The following BDP1 variants were observed in gnomAD, a reference collection of about 807,000 sequenced individuals.
BDP1 encodes the protein transcription factor TFIIIB component B'' homolog.
Under a neutral mutation model 266.6 loss-of-function variants are expected in BDP1, and 169 were observed. That is an observed-to-expected ratio of 0.63 (90% CI 0.56 to 0.72). The LOEUF (loss-of-function observed/expected upper bound fraction) is 0.72, where lower values mean the gene tolerates loss of function less well. Ranked by LOEUF, BDP1 falls within the 30% of genes least tolerant of loss-of-function variation. The probability of loss-of-function intolerance (pLI) is 0.00; values close to 1 mark genes in which losing one functional copy is unlikely to be tolerated. For missense variants in BDP1, 3,015 were observed against 3,053.8 expected (o/e 0.99, Z 0.30); for synonymous variants, 1,090 against 1,022.4 (o/e 1.07, Z -1.26).
At chr5:71,511,416 G>A in intron 17 of BDP1, 2 of 374,020 alleles carry the variant, frequency 5.3e-6, no homozygotes, top group Non-Finnish European at 9.4e-6. Flanking sequence ...CCAGGAGTTT[G>A]AGACCAGCCT....
chr5:71,467,109 T>C (rs1362236929), intron 5 of BDP1, among the ~76,000 whole-genome samples: 1 of 152,204 alleles, frequency 6.6e-6, no homozygotes, highest in East Asian at 1.9e-4. Context: ...CCCAAAGATG[T>C]TTTGTAAATA....
At chr5:71,479,030 T>TTTTTA (rs1238285786) in intron 7 of BDP1, among the ~76,000 whole-genome samples, 295 of 152,174 alleles carry the variant, frequency 1.9e-3, no homozygotes, top group African/African-American at 5.7e-3. Context: ...TTTCACCTGG[T>TTTTTA]TTTTATTTTA....
chr5:71,552,213 T>C (rs1561783560), intron 34 of BDP1, among the ~76,000 whole-genome samples: 1 of 148,226 alleles, frequency 6.7e-6, no homozygotes, highest in African/African-American at 2.5e-5. Flanking sequence ...GCTCCTCACA[T>C]CCCAGACGGG....
At chr5:71,523,718 T>A (rs1005036257) in intron 24 of BDP1, among the ~76,000 whole-genome samples, 1 of 152,242 alleles carries the variant, frequency 6.6e-6, no homozygotes, top group African/African-American at 2.4e-5. Context: ...ATTAAAAACT[T>A]ACTATGAAAA....
the BDP1 span, among the ~76,000 whole-genome samples, chr5:71,577,582 T>A: frequency 4.2e-5 from 2 of 47,788 alleles, no homozygotes; most frequent in African/African-American, 1.2e-4. Context: ...ATCCATGGGA[T>A]CTTGTGAAAG....
At chr5:71,459,829 T>A (rs555582487) in intron 2 of BDP1, among the ~76,000 whole-genome samples, 31 of 152,268 alleles carry the variant, frequency 2.0e-4, no homozygotes, top group African/African-American at 7.5e-4. Context: ...AAATTGAAAA[T>A]GCTCCAAAGT....
chr5:71,513,462 T>G (rs1354669949), intron 19 of BDP1, 55 bp downstream of exon 19: 1 of 1,044,072 alleles, frequency 9.6e-7, no homozygotes, highest in Admixed American at 2.4e-5. Context: ...TTTTTTAAGT[T>G]ATTAGGACTA....
At chr5:71,517,005 T>G (rs1284238831) in intron 21 of BDP1, among the ~76,000 whole-genome samples, 1 of 152,256 alleles carries the variant, frequency 6.6e-6, no homozygotes, top group Non-Finnish European at 1.5e-5. Flanking sequence ...AACTTTTCTC[T>G]GAACTAGGCA....
chr5:71,518,555 A>G (rs1561741774), intron 22 of BDP1, among the ~76,000 whole-genome samples: 1 of 152,082 alleles, frequency 6.6e-6, no homozygotes, highest in East Asian at 1.9e-4. Context: ...GGCTCAAGCA[A>G]TTCTCCCACC....
At chr5:71,559,700 C>CTCCCATTT (rs1418990251) in intron 36 of BDP1, among the ~76,000 whole-genome samples, 1 of 152,140 alleles carries the variant, frequency 6.6e-6, no homozygotes, top group Non-Finnish European at 1.5e-5. Context: ...AGTAATCACT[C>CTCCCATTT]TCCCATTTTG....
Position 71,467,487 on chromosome 5 carries a change from G to A in BDP1, c.919G>A (p.Glu307Lys), listed in dbSNP as rs1435896069. Residue 307 changes from glutamate (E) to lysine (K), a missense_variant and splice_region_variant, in exon 6 of 39, where the codon GAA becomes AAA. Physicochemically the swap from Glu to Lys is moderately conservative, Grantham distance 56 (BLOSUM62 1). Around this residue, in one of 3 missense-constraint regions of BDP1, gnomAD observed 2,383 missense variants for 2,404.9 expected, o/e 0.99. Transcript: ENST00000358731. ...NYYSKPWSNK[E>K]TDMFFLAISM... ...TTACTCTAAACCATGGTCAAATAAA[G>A]GTAACTAATTTTCATTTAAAAATGT... The A allele has an allele frequency of 6.3e-7, 1 of 1,586,370 alleles. No homozygotes were observed. Among genetic ancestry groups the A allele is most frequent in the Non-Finnish European group, 8.6e-7 (1 of 1,165,334 alleles).
At chr5:71,527,917 C>T (rs566810251) in intron 25 of BDP1, among the ~76,000 whole-genome samples, 2 of 151,242 alleles carry the variant, frequency 1.3e-5, no homozygotes, top group African/African-American at 4.9e-5. Flanking sequence ...CTCCCAGGTT[C>T]AAGCAATTCT....
rs756172358 is a variant in BDP1, at chr5:71,544,506, A to G, written c.6562A>G (p.Arg2188Gly). The change falls in exon 31 of 39, where the codon AGA becomes GGA. Residue 2188 changes from arginine (R) to glycine (G), a missense_variant and splice_region_variant. This residue lies in a region of BDP1 where 629 missense variants were observed against 632.5 expected (regional missense o/e 0.99). Transcript: ENST00000358731. ...SISSEVNLTE[R>G]NENQEESSQE... ...TTCTTCAGAAGTAAACCTAACTGAA[A>G]GGTAAAAGAGTGAAGAGGTTCTGAG... 2 of 1,607,658 alleles carry G rather than the reference A, an allele frequency of 1.2e-6. No homozygotes were observed. Among genetic ancestry groups the G allele is most frequent in the Non-Finnish European group, 8.5e-7 (1 of 1,178,206 alleles).
intron 34 of BDP1, among the ~76,000 whole-genome samples, chr5:71,549,951 GT>G (rs1274483227): frequency 6.6e-6 from 1 of 152,232 alleles, no homozygotes; most frequent in Non-Finnish European, 1.5e-5. Flanking sequence ...TTCACAGAAA[GT>G]TGTGAAAATA....
At chr5:71,526,821 G>A (rs1251533396) in intron 25 of BDP1, among the ~76,000 whole-genome samples, 7 of 151,548 alleles carry the variant, frequency 4.6e-5, no homozygotes, top group African/African-American at 1.7e-4. Context: ...CTGTAGCTGG[G>A]ACTACAGGTG....
intron 26 of BDP1, among the ~76,000 whole-genome samples, chr5:71,533,326 A>G (rs1290585134): frequency 2.0e-5 from 3 of 152,100 alleles, no homozygotes; most frequent in Non-Finnish European, 4.4e-5. Context: ...TGGTAACTCT[A>G]TGTTTCATCA....
chr5:71,525,321 A>C, intron 25 of BDP1, among the ~76,000 whole-genome samples: 2 of 113,232 alleles, frequency 1.8e-5, no homozygotes, highest in African/African-American at 3.4e-5. Context: ...GGGGCTCCTC[A>C]CTTCCCAGTA....
At chr5:71,544,952 T>A in intron 31 of BDP1, 87 bp from the exon 32 acceptor site, 1 of 1,166,480 alleles carries the variant, frequency 8.6e-7, no homozygotes, top group South Asian at 1.3e-5. Context: ...AACCATTGAA[T>A]TAGATGATCT....
At chr5:71,466,662 G>A (rs1761925881) in intron 5 of BDP1, among the ~76,000 whole-genome samples, 1 of 152,114 alleles carries the variant, frequency 6.6e-6, no homozygotes. Flanking sequence ...TTGTTATGGT[G>A]AGGTATAATT....
Sources: allele counts gnomAD v4.1 joint callset (sites outside exome capture counted in the v4.1 genomes callset), GRCh38; gene constraint gnomAD v4.1.1; regional missense constraint gnomAD v4.1.1; transcripts MANE v1.5; gene names NCBI Gene and HGNC (gene_info 2026-07-23, HGNC 2026-07-21).